The following RANBP17 variants were observed in gnomAD, a reference collection of about 807,000 sequenced individuals.
The protein encoded by RANBP17 is RAN binding protein 17, also known as ran-binding protein 17.
RANBP17 carries 158 observed loss-of-function variants against 141.2 expected under a neutral mutation model. The ratio of observed to expected loss-of-function variants is 1.12; its 90% CI spans 0.98 to 1.28. The LOEUF (loss-of-function observed/expected upper bound fraction) is 1.28, where lower values mean the gene tolerates loss of function less well. Among genes scored for constraint, RANBP17 ranks in the 50% most tolerant of loss-of-function variants. The pLI is 0.00. For missense variants in RANBP17, 1,438 were observed against 1,290.7 expected, an observed-to-expected ratio of 1.11 and a Z score of -1.75; for synonymous variants, 430 against 450.0, an observed-to-expected ratio of 0.96 and a Z score of 0.56.
At chr5:170,923,248 T>C (rs1772623937) in intron 11 of RANBP17, among the ~76,000 whole-genome samples, 1 of 152,170 alleles carries the variant, frequency 6.6e-6, no homozygotes, top group Non-Finnish European at 1.5e-5. Context: ...TCAACATCAT[T>C]TGTGTAACAG....
At chr5:171,117,212 T>C (rs939089212) in intron 14 of RANBP17, among the ~76,000 whole-genome samples, 1 of 152,176 alleles carries the variant, frequency 6.6e-6, no homozygotes, top group Admixed American at 6.5e-5. Flanking sequence ...TGTCAAATCA[T>C]AAGGTAGTTC....
intron 14 of RANBP17, among the ~76,000 whole-genome samples, chr5:171,116,416 T>G (rs951540942): frequency 1.3e-5 from 2 of 152,174 alleles, no homozygotes; most frequent in African/African-American, 4.8e-5. Flanking sequence ...GGGAGAAGTA[T>G]TCAAAGAATG....
At chr5:170,974,548 C>T (rs968443575) in intron 14 of RANBP17, among the ~76,000 whole-genome samples, 17 of 152,020 alleles carry the variant, frequency 1.1e-4, no homozygotes, top group Admixed American at 9.8e-4. Context: ...GTCTAGAGTT[C>T]CAGAGATGAA....
chr5:171,127,491 A>T (rs2127783402), intron 14 of RANBP17, among the ~76,000 whole-genome samples: 1 of 152,324 alleles, frequency 6.6e-6, no homozygotes, highest in Admixed American at 6.5e-5. Flanking sequence ...TATCCAGAAT[A>T]TGCAAGGAAT....
At chr5:171,290,047 G>A (rs574452028) in intron 25 of RANBP17, among the ~76,000 whole-genome samples, 1 of 151,686 alleles carries the variant, frequency 6.6e-6, no homozygotes, top group Admixed American at 6.6e-5. Flanking sequence ...TAAATAGTGA[G>A]CATTTAGTTA....
intron 18 of RANBP17, among the ~76,000 whole-genome samples, chr5:171,198,296 C>G (rs188941315): frequency 2.1e-3 from 326 of 152,244 alleles, no homozygotes; most frequent in African/African-American, 7.6e-3. Context: ...GGATACTGAC[C>G]TTCGTTTAGA....
intron 14 of RANBP17, among the ~76,000 whole-genome samples, chr5:171,151,950 C>T (rs376614198): frequency 1.6e-4 from 25 of 152,040 alleles, no homozygotes; most frequent in East Asian, 1.2e-3. Flanking sequence ...GATGAACTCC[C>T]CCAAGGAACT....
intron 13 of RANBP17, among the ~76,000 whole-genome samples, chr5:170,955,700 A>T (rs1775638995): frequency 8.0e-6 from 1 of 125,294 alleles, no homozygotes. Flanking sequence ...TGAACTCTGT[A>T]GAGGAACGAA....
intron 1 of RANBP17, among the ~76,000 whole-genome samples, chr5:170,869,789 T>A (rs6898115): frequency 0.03 from 4,607 of 152,250 alleles, 231 homozygotes; most frequent in African/African-American, 0.1. Context: ...TATTTCCAAA[T>A]AAGGTCACAT....
chr5:171,061,858 G>A (rs1386570954), intron 14 of RANBP17, among the ~76,000 whole-genome samples: 3 of 152,314 alleles, frequency 2.0e-5, no homozygotes, highest in African/African-American at 7.2e-5. Context: ...TGTATTGGGT[G>A]CATATATATT....
intron 3 of RANBP17, among the ~76,000 whole-genome samples, chr5:170,884,716 A>G (rs1431658376): frequency 2.0e-5 from 3 of 152,108 alleles, no homozygotes; most frequent in African/African-American, 4.8e-5. Context: ...TAAAGTACCA[A>G]TCCTTCTGTG....
chr5:170,938,031 G>T (rs1467315388), intron 12 of RANBP17, among the ~76,000 whole-genome samples: 1 of 152,058 alleles, frequency 6.6e-6, no homozygotes, highest in Non-Finnish European at 1.5e-5. Flanking sequence ...TCTGCTCTCT[G>T]ATTCTGTGTC....
intron 14 of RANBP17, among the ~76,000 whole-genome samples, chr5:171,130,965 G>A (rs1290287348): frequency 6.6e-6 from 1 of 152,054 alleles, no homozygotes; most frequent in Non-Finnish European, 1.5e-5. Flanking sequence ...AATTTGTTAT[G>A]TTTCACATGT....
At chr5:171,073,840 T>G (rs1249402930) in intron 14 of RANBP17, among the ~76,000 whole-genome samples, 1 of 151,856 alleles carries the variant, frequency 6.6e-6, no homozygotes, top group Non-Finnish European at 1.5e-5. Context: ...GAGGTACTTT[T>G]TTTTTTTTTT....
intron 12 of RANBP17, among the ~76,000 whole-genome samples, chr5:170,943,665 T>C (rs1158156393): frequency 6.6e-6 from 1 of 152,192 alleles, no homozygotes; most frequent in East Asian, 1.9e-4. Context: ...ATGAAACTTA[T>C]GTAGCAGATT....
chr5:171,084,082 G>T (rs901591162), intron 14 of RANBP17, among the ~76,000 whole-genome samples: 5 of 148,650 alleles, frequency 3.4e-5, no homozygotes, highest in Admixed American at 2.7e-4. Flanking sequence ...TCTAGCATTA[G>T]GTATATCTCC....
chr5:171,249,178 A>G (rs1581116322), intron 24 of RANBP17, among the ~76,000 whole-genome samples: 1 of 152,192 alleles, frequency 6.6e-6, no homozygotes, highest in Non-Finnish European at 1.5e-5. Context: ...GCTACTTACA[A>G]CCAAAGAAAT....
At chr5:170,941,793 A>T (rs1412583187) in intron 12 of RANBP17, among the ~76,000 whole-genome samples, 2 of 152,234 alleles carry the variant, frequency 1.3e-5, no homozygotes, top group African/African-American at 4.8e-5. Flanking sequence ...AGGAATTCTT[A>T]TATACTTCTG....
At chr5:171,269,344 G>C (rs1359842505) in intron 25 of RANBP17, among the ~76,000 whole-genome samples, 1 of 152,200 alleles carries the variant, frequency 6.6e-6, no homozygotes, top group African/African-American at 2.4e-5. Flanking sequence ...ACAGAGTGCT[G>C]AGTGAAAAAT....
Sources: gnomAD v4.1 joint callset for allele counts (sites outside exome capture counted in the v4.1 genomes callset) on GRCh38, gnomAD v4.1.1 for gene constraint, MANE v1.5 for transcripts, NCBI Gene and HGNC (gene_info 2026-07-23, HGNC 2026-07-21) for gene names.